Variants in ACSS2 observed in about 807,000 individuals in gnomAD.
ACSS2 encodes acetyl-coenzyme A synthetase, cytoplasmic.
A neutral mutation model predicts 90.6 loss-of-function variants in ACSS2; 58 were observed. The observed-to-expected ratio is 0.64, with a 90% CI of 0.52 to 0.80. The LOEUF (loss-of-function observed/expected upper bound fraction) is 0.80, where lower values mean the gene tolerates loss of function less well. Ranked by LOEUF, ACSS2 falls within the 30% of genes least tolerant of loss-of-function variation. The pLI is 0.00. For missense variants in ACSS2, 759 were observed against 912.0 expected (o/e 0.83, Z 2.16); for synonymous variants, 300 against 330.9 (o/e 0.91, Z 1.01).
intron 2 of ACSS2, chr20:34,908,768 G>A (rs1048358846): frequency 2.9e-6 from 1 of 345,800 alleles, no homozygotes; most frequent in African/African-American, 2.2e-5. Flanking sequence ...GTCTGAGGCA[G>A]AAGAATTGCC....
chr20:34,886,405 G>A (rs1002888744), intron 2 of ACSS2, among the ~76,000 whole-genome samples: 2 of 152,140 alleles, frequency 1.3e-5, no homozygotes, highest in East Asian at 3.9e-4. Flanking sequence ...GATCACCTGA[G>A]GTCAGGAGTT....
At position 34,899,786 on chromosome 20, in the gene ACSS2, C is replaced by T. The variant is rs138841990; in HGVS notation, c.375-13310C>T. Among the ~76,000 whole-genome samples, 615 of 152,168 alleles carry T rather than the reference C, an allele frequency of 4.0e-3. 2 individuals carry two copies. The highest frequency in any genetic ancestry group is 0.014 in the African/African-American group (584 of 41,500). ...ACAGGCATGAGTCACCACACCTGGCCCCACATTTTTCTTTATTCATTCCTC... is the reference window on the plus strand; with the variant it reads ...ACAGGCATGAGTCACCACACCTGGCTCCACATTTTTCTTTATTCATTCCTC... On this transcript the variant is annotated intron_variant, in intron 2 of 17. Coordinates refer to ENST00000360596, the MANE Select transcript of ACSS2 (RefSeq NM_018677.4).
rs1249041505 is a variant in ACSS2, at chr20:34,902,300, TATTA to T, written c.375-10792_375-10789del. 5.3e-5 allele frequency among the ~76,000 whole-genome samples: 8 copies of T among 152,208 alleles called. No homozygotes were observed. The South Asian group carries it at 8.3e-4, about 16-fold the overall frequency. ...AAAATAATAATAAGTAAACAAGTAA[TATTA>T]ATTCTATTAATAATATTAACAATAA... On this transcript the variant is annotated intron_variant, in intron 2 of 17. Transcript: ENST00000360596.
intron 2 of ACSS2, among the ~76,000 whole-genome samples, chr20:34,895,035 C>T (rs1484494116): frequency 2.6e-5 from 4 of 152,072 alleles, no homozygotes; most frequent in Admixed American, 2.6e-4. Flanking sequence ...TCAGACAATT[C>T]TGATGTTGGG....
intron 1 of ACSS2, among the ~76,000 whole-genome samples, chr20:34,879,407 G>A (rs2080014076): frequency 1.3e-5 from 2 of 151,578 alleles, no homozygotes; most frequent in Admixed American, 6.6e-5. Flanking sequence ...TTCCAATAGA[G>A]CATTCACTGA....
chr20:34,909,506 G>A (rs1447686271), intron 2 of ACSS2, among the ~76,000 whole-genome samples: 2 of 152,150 alleles, frequency 1.3e-5, no homozygotes, highest in African/African-American at 4.8e-5. Flanking sequence ...TTTATTGAAT[G>A]CATATAATAA....
At chr20:34,878,158 C>G (rs887910198) in intron 1 of ACSS2, among the ~76,000 whole-genome samples, 1 of 152,180 alleles carries the variant, frequency 6.6e-6, no homozygotes, top group African/African-American at 2.4e-5. Context: ...TGGTCTTGAA[C>G]TCCTGGCCTC....
chr20:34,878,729 C>G (rs75248575), intron 1 of ACSS2, among the ~76,000 whole-genome samples: 1 of 152,254 alleles, frequency 6.6e-6, no homozygotes, highest in African/African-American at 2.4e-5. Context: ...AGGGAAGCAG[C>G]CTCCTAATTT....
chr20:34,917,344 G>T (rs764343935), intron 7 of ACSS2, among the ~76,000 whole-genome samples: 2 of 151,454 alleles, frequency 1.3e-5, no homozygotes, highest in Non-Finnish European at 3.0e-5. Flanking sequence ...ACCAAATCAG[G>T]TGTGTTCTTA....
At position 34,888,705 on chromosome 20, in the gene ACSS2, C is replaced by A. The variant is rs191766894; in HGVS notation, c.374+5716C>A. 3.0e-4 allele frequency among the ~76,000 whole-genome samples: 45 copies of A among 152,210 alleles called. No homozygotes were observed. The East Asian group carries it at 7.7e-3, about 26-fold the overall frequency. On this transcript the variant is annotated intron_variant, in intron 2 of 17. Coordinates refer to ENST00000360596, the MANE Select transcript of ACSS2 (RefSeq NM_018677.4). The stretch of plus-strand genomic sequence containing the variant: ...GGGAAGTGACAGTGCAGAGTGGGAG[C>A]TGATAAGGAAAGAACCTTTTGATAA...
chr20:34,890,283 T>C (rs1434591481), intron 2 of ACSS2, among the ~76,000 whole-genome samples: 1 of 152,146 alleles, frequency 6.6e-6, no homozygotes, highest in Non-Finnish European at 1.5e-5. Flanking sequence ...AGGGCTAAAT[T>C]TTCCCTGCAA....
chr20:34,920,526 A>T lies in ACSS2; in HGVS notation c.973-13A>T. 1 of 1,612,728 alleles carries T rather than the reference A, an allele frequency of 6.2e-7. No homozygotes were observed. The highest frequency in any genetic ancestry group is 8.5e-7 in the Non-Finnish European group (1 of 1,179,770). On this transcript the variant is annotated splice_polypyrimidine_tract_variant and intron_variant, in intron 8 of 17. Coordinates refer to ENST00000360596, the MANE Select transcript of ACSS2 (RefSeq NM_018677.4). ...GGCATAAGACCCTAACCTGTTCCCC[A>T]TTCTTCCCACAGGGTGTGGTTCACA... is the stretch of plus-strand genomic sequence containing the variant.
intron 2 of ACSS2, among the ~76,000 whole-genome samples, chr20:34,910,019 A>ATTTT (rs11482260): frequency 8.0e-5 from 11 of 138,032 alleles, no homozygotes; most frequent in Non-Finnish European, 1.2e-4. Context: ...GCCTGGCCAA[A>ATTTT]TTTTTTTTTT....
At chr20:34,921,508 A>C in intron 11 of ACSS2, 36 bp from the exon 12 acceptor site, 1 of 1,614,206 alleles carries the variant, frequency 6.2e-7, no homozygotes, top group Non-Finnish European at 8.5e-7. Flanking sequence ...CAATGTGGGA[A>C]GATTGACTCA....
chr20:34,884,237 G>C (rs1237421526), intron 2 of ACSS2, among the ~76,000 whole-genome samples: 1 of 152,238 alleles, frequency 6.6e-6, no homozygotes, highest in South Asian at 2.1e-4. Flanking sequence ...TGGGATTAGT[G>C]TGAGCCACCA....
At position 34,919,473 on chromosome 20, in the gene ACSS2, G is replaced by A; in HGVS notation, c.873G>A (p.Glu291=). ...WNQGIDLWWH[E]LMQEAGDECE... ...AAGGGATTGACTTGTGGTGGCATGA[G>A]CTCATGCAAGAGGCAGGGGATGAGT... The change falls in exon 8 of 18, where the codon GAG becomes GAA. Residue 291 remains glutamate (E), a synonymous_variant. Coordinates refer to ENST00000360596, the MANE Select transcript of ACSS2 (RefSeq NM_018677.4). 1 of 1,613,478 alleles carries A rather than the reference G, an allele frequency of 6.2e-7. No homozygotes were observed. The highest frequency in any genetic ancestry group is 8.5e-7 in the Non-Finnish European group (1 of 1,180,016).
intron 2 of ACSS2, among the ~76,000 whole-genome samples, chr20:34,897,036 G>GAA (rs36102262): frequency 5.1e-4 from 75 of 146,990 alleles, no homozygotes; most frequent in East Asian, 4.4e-3. Context: ...TCAAAAAAAG[G>GAA]AAAAAAAAAA....
upstream of ACSS2, among the ~76,000 whole-genome samples, chr20:34,876,235 T>A (rs1423589755): frequency 6.6e-6 from 1 of 151,682 alleles, no homozygotes; most frequent in Non-Finnish European, 1.5e-5. Context: ...CTGCCTCCTC[T>A]CCTGTCACAA....
At chr20:34,889,899 A>G (rs923561098) in intron 2 of ACSS2, among the ~76,000 whole-genome samples, 7 of 152,174 alleles carry the variant, frequency 4.6e-5, no homozygotes, top group Admixed American at 2.0e-4. Flanking sequence ...AGATCTGTGA[A>G]AGGATTGCAT....
Sources: gnomAD v4.1 joint callset for allele counts (sites outside exome capture counted in the v4.1 genomes callset) on GRCh38, gnomAD v4.1.1 for gene constraint, MANE v1.5 for transcripts, NCBI Gene and HGNC (gene_info 2026-07-23, HGNC 2026-07-21) for gene names.